The following PCSK5 variants were observed in gnomAD, a reference collection of about 807,000 sequenced individuals.
PCSK5 encodes the protein proprotein convertase subtilisin/kexin type 5.
A neutral mutation model predicts 233.2 loss-of-function variants in PCSK5; 129 were observed. That is an observed-to-expected ratio of 0.55 (90% CI 0.48 to 0.64). The LOEUF (loss-of-function observed/expected upper bound fraction) is 0.64. Among genes scored for constraint, PCSK5 ranks in the 30% least tolerant of loss-of-function variants. The pLI is 0.00. For synonymous variants in PCSK5, 825 were observed against 879.2 expected (o/e 0.94, Z 1.09); for missense variants, 2,076 against 2,430.1 (o/e 0.85, Z 3.06).
At chr9:76,138,792 G>A (rs969978038) in intron 10 of PCSK5, among the ~76,000 whole-genome samples, 2 of 151,844 alleles carry the variant, frequency 1.3e-5, no homozygotes, top group Admixed American at 6.6e-5. Context: ...TTTACTAGGC[G>A]AAAGAATGAA....
chr9:76,289,628 C>T (rs1297862102), intron 24 of PCSK5, among the ~76,000 whole-genome samples: 1 of 151,912 alleles, frequency 6.6e-6, no homozygotes, highest in Non-Finnish European at 1.5e-5. Context: ...GAGTCAACTT[C>T]TAGATTTGGG....
In PCSK5 at chr9:76,180,780, A is replaced by G. The variant is rs1823831166; in HGVS notation, c.2004-618A>G. On this transcript the variant is annotated intron_variant, in intron 15 of 37. Coordinates refer to ENST00000674117, the MANE Select transcript of PCSK5 (RefSeq NM_001372043.1). ...GAAAGGAGGACTTTGGCTATCTCCCAGCCTCTGTTATCTCCTGCACTTAGC... is the reference window on the plus strand; with the variant it reads ...GAAAGGAGGACTTTGGCTATCTCCCGGCCTCTGTTATCTCCTGCACTTAGC... Among the ~76,000 whole-genome samples the G allele has an allele frequency of 2.0e-5, 3 of 152,204 alleles. No individual in the cohort carries two copies. The South Asian group carries it at 6.2e-4, about 31-fold the overall frequency.
At chr9:76,019,913 A>G (rs1382304595) in intron 3 of PCSK5, among the ~76,000 whole-genome samples, 1 of 152,234 alleles carries the variant, frequency 6.6e-6, no homozygotes, top group Non-Finnish European at 1.5e-5. Flanking sequence ...CTAAATACCT[A>G]ATAGACCATC....
rs60451634 is a variant in PCSK5, at chr9:76,323,932, A to ATTTTTTTTTTTTTTTTT, written c.4339+660_4339+661insTTTTTTTTTTTTTTTTT. On this transcript the variant is annotated intron_variant, in intron 32 of 37. Coordinates refer to ENST00000674117, the MANE Select transcript of PCSK5 (RefSeq NM_001372043.1). ...TGCCTCTTGTCTCCCTTCCTGGGTGATTTTTTTTTTTTTTTTGAGACAGAG... is the reference window on the plus strand; with the variant it reads ...TGCCTCTTGTCTCCCTTCCTGGGTGATTTTTTTTTTTTTTTTTTTTTTTTTTTTTTTTTGAGACAGAG... Among the ~76,000 whole-genome samples the ATTTTTTTTTTTTTTTTT allele has an allele frequency of 1.4e-5, 2 of 139,406 alleles. 1 individual carries two copies. Among genetic ancestry groups the ATTTTTTTTTTTTTTTTT allele is most frequent in the Non-Finnish European group, 3.1e-5 (2 of 65,110 alleles). The allele number at this position is 139,406 out of a possible 152,430, so 91.5% of individuals were successfully genotyped here.
chr9:75,965,986 T>C (rs1825567096), intron 2 of PCSK5, among the ~76,000 whole-genome samples: 1 of 152,108 alleles, frequency 6.6e-6, no homozygotes, highest in Admixed American at 6.5e-5. Context: ...AGGGACACAT[T>C]ATAGACAGAT....
chr9:75,960,763 C>T (rs576081835), intron 2 of PCSK5, among the ~76,000 whole-genome samples: 3 of 152,260 alleles, frequency 2.0e-5, no homozygotes, highest in Non-Finnish European at 4.4e-5. Context: ...GAGTGCCTGC[C>T]AGGAGCTCAG....
rs532030274 is a variant in PCSK5 at position 75,974,537 on chromosome 9, G to A, written c.298-11595G>A. On this transcript the variant is annotated intron_variant, in intron 2 of 37. Transcript: ENST00000674117. ...CTTTTCCCCCACCCTGACCAAAGTA[G>A]CTGTTTGCTAAATATTTCAGAGGGT... Among the ~76,000 whole-genome samples, 5 of 152,284 alleles carry A rather than the reference G, an allele frequency of 3.3e-5. No individual in the cohort carries two copies. The South Asian group carries it at 1.0e-3, about 32-fold the overall frequency.
intron 5 of PCSK5, among the ~76,000 whole-genome samples, chr9:76,029,001 C>A (rs1563982075): frequency 6.6e-6 from 1 of 152,122 alleles, no homozygotes; most frequent in African/African-American, 2.4e-5. Flanking sequence ...TTTCATAACA[C>A]CTTATTCTTA....
intron 5 of PCSK5, among the ~76,000 whole-genome samples, chr9:76,030,986 G>C (rs962700295): frequency 6.6e-6 from 1 of 152,028 alleles, no homozygotes; most frequent in Admixed American, 6.6e-5. Flanking sequence ...CCATCCTGAC[G>C]GTGAAATAGG....
chr9:76,290,264 A>G (rs1187439485), intron 24 of PCSK5, among the ~76,000 whole-genome samples: 3 of 152,190 alleles, frequency 2.0e-5, no homozygotes, highest in Admixed American at 2.0e-4. Context: ...TGGCCCTTAC[A>G]ATGGGTTCAG....
rs375015169 is a variant in PCSK5, at chr9:75,969,039, T to TG, written c.298-17086dup. ...ATGGCCTGCCCTCTATGGCGGGGGG[T>TG]GGGGGGGCGGTTCTGGCATCATCAC... On this transcript the variant is annotated intron_variant, in intron 2 of 37. Transcript: ENST00000674117. Among the ~76,000 whole-genome samples the TG allele has an allele frequency of 4.1e-4, 14 of 34,172 alleles. No homozygotes were observed. In the East Asian group the frequency reaches 5.2e-3, roughly 13 times the overall value. 22.4% of individuals were successfully genotyped at this position (34,172 alleles called of 152,430 possible).
chr9:76,074,218 G>C (rs962684995), intron 7 of PCSK5, among the ~76,000 whole-genome samples: 21 of 152,148 alleles, frequency 1.4e-4, no homozygotes, highest in Admixed American at 5.2e-4. Context: ...TGAACCTAAC[G>C]GTCTACCCTA....
At chr9:76,180,093 A>ATATATATATACATATATATATATG in intron 15 of PCSK5, among the ~76,000 whole-genome samples, 1 of 139,772 alleles carries the variant, frequency 7.2e-6, no homozygotes, top group Non-Finnish European at 1.5e-5. Context: ...GTGTGTATAT[A>ATATATATATACATATATATATATG]TATATATATA....
intron 20 of PCSK5, chr9:76,193,486 C>G (rs1269591181): frequency 1.5e-6 from 1 of 685,070 alleles, no homozygotes; most frequent in Non-Finnish European, 2.3e-6. Flanking sequence ...TTTTCTTTCT[C>G]TCTCTCTCAA....
chr9:76,109,469 T>A (rs1024443275), intron 9 of PCSK5, among the ~76,000 whole-genome samples: 1 of 151,592 alleles, frequency 6.6e-6, no homozygotes, highest in African/African-American at 2.4e-5. Flanking sequence ...TAATCACGAT[T>A]TAAGCTGAAA....
intron 20 of PCSK5, among the ~76,000 whole-genome samples, chr9:76,210,328 A>G (rs1229065397): frequency 6.6e-6 from 1 of 152,204 alleles, no homozygotes; most frequent in East Asian, 1.9e-4. Flanking sequence ...GAGGCAATGT[A>G]GCTGTGCTTT....
At chr9:76,098,656 T>C (rs915224601) in intron 8 of PCSK5, among the ~76,000 whole-genome samples, 2 of 152,210 alleles carry the variant, frequency 1.3e-5, no homozygotes, top group Admixed American at 1.3e-4. Context: ...CCTATTATTC[T>C]CTATGGGGTG....
At chr9:75,948,261 C>T (rs940282980) in intron 2 of PCSK5, among the ~76,000 whole-genome samples, 51 of 152,004 alleles carry the variant, frequency 3.4e-4, no homozygotes, top group African/African-American at 1.2e-3. Flanking sequence ...TTGCTCCCAT[C>T]AACTCGTCAT....
At chr9:76,007,580 C>G (rs1008220540) in intron 3 of PCSK5, among the ~76,000 whole-genome samples, 3 of 151,886 alleles carry the variant, frequency 2.0e-5, no homozygotes, top group African/African-American at 7.3e-5. Flanking sequence ...GGGTAGATGG[C>G]CTTCTGATTT....
Sources: allele counts gnomAD v4.1 joint callset (sites outside exome capture counted in the v4.1 genomes callset), GRCh38; gene constraint gnomAD v4.1.1; transcripts MANE v1.5; gene names NCBI Gene and HGNC (gene_info 2026-07-23, HGNC 2026-07-21).